The following CHSY3 variants were observed in gnomAD, a reference collection of about 807,000 sequenced individuals.
CHSY3 encodes the protein N-acetylgalactosaminyl-proteoglycan 3-beta-glucuronosyltransferase 3.
Under a neutral mutation model 67.2 loss-of-function variants are expected in CHSY3, and 35 were observed. That is an observed-to-expected ratio of 0.52 (90% CI 0.40 to 0.69). The LOEUF is 0.69. Among genes scored for constraint, CHSY3 ranks in the 30% least tolerant of loss-of-function variants. The pLI is 0.00. For synonymous variants in CHSY3, 474 were observed against 434.7 expected (o/e 1.09, Z -1.12); for missense variants, 1,069 against 1,138.5 (o/e 0.94, Z 0.88).
At chr5:129,921,725 T>A (rs1389116603) in intron 2 of CHSY3, among the ~76,000 whole-genome samples, 1 of 152,222 alleles carries the variant, frequency 6.6e-6, no homozygotes, top group African/African-American at 2.4e-5. Flanking sequence ...GTATGGTATG[T>A]GTTGTATATA....
intron 2 of CHSY3, among the ~76,000 whole-genome samples, chr5:130,148,817 A>C (rs1769150209): frequency 6.6e-6 from 1 of 151,832 alleles, no homozygotes; most frequent in Admixed American, 6.6e-5. Context: ...CAGATGCATA[A>C]ATTGAAATTA....
chr5:129,990,605 G>T (rs1763334450), intron 2 of CHSY3, among the ~76,000 whole-genome samples: 1 of 152,124 alleles, frequency 6.6e-6, no homozygotes, highest in East Asian at 1.9e-4. Flanking sequence ...ATTAATGCTA[G>T]AAATATTATT....
chr5:129,993,830 T>C (rs1180141254), intron 2 of CHSY3, among the ~76,000 whole-genome samples: 7 of 151,256 alleles, frequency 4.6e-5, no homozygotes. Context: ...ATTTGGCATG[T>C]TTTTGCAGTG....
chr5:129,973,287 A>T (rs1226561317), intron 2 of CHSY3, among the ~76,000 whole-genome samples: 1 of 152,052 alleles, frequency 6.6e-6, no homozygotes. Flanking sequence ...ATTTAATTAC[A>T]CTTTTTATGA....
chr5:130,020,440 T>A (rs1246197143), intron 2 of CHSY3, among the ~76,000 whole-genome samples: 5 of 18,180 alleles, frequency 2.8e-4, no homozygotes, highest in African/African-American at 6.4e-4. Flanking sequence ...TATATATATA[T>A]ATATATATAT....
At chr5:130,125,128 T>G (rs1050691975) in intron 2 of CHSY3, among the ~76,000 whole-genome samples, 2 of 152,082 alleles carry the variant, frequency 1.3e-5, no homozygotes, top group South Asian at 4.2e-4. Flanking sequence ...GCAAGTTGAA[T>G]CTCACAGGAC....
intron 2 of CHSY3, among the ~76,000 whole-genome samples, chr5:130,134,165 T>C (rs906116209): frequency 6.6e-6 from 1 of 152,216 alleles, no homozygotes; most frequent in African/African-American, 2.4e-5. Flanking sequence ...AGATTTGGAT[T>C]CAAACCCAGG....
At chr5:129,953,705 T>A (rs940535919) in intron 2 of CHSY3, among the ~76,000 whole-genome samples, 6 of 152,228 alleles carry the variant, frequency 3.9e-5, no homozygotes, top group African/African-American at 1.4e-4. Context: ...CATTGTGGTT[T>A]TGATTTGCAT....
chr5:130,059,388 CCT>C (rs368706513), intron 2 of CHSY3, among the ~76,000 whole-genome samples: 123 of 143,150 alleles, frequency 8.6e-4, no homozygotes, highest in Non-Finnish European at 8.0e-4. Flanking sequence ...TCTCTCTCTA[CCT>C]CTCTCTCTCT....
intron 2 of CHSY3, among the ~76,000 whole-genome samples, chr5:129,998,447 A>G (rs560087057): frequency 6.6e-6 from 1 of 152,214 alleles, no homozygotes; most frequent in Admixed American, 6.5e-5. Context: ...TACAATAATT[A>G]TTATGGTAAA....
intron 2 of CHSY3, among the ~76,000 whole-genome samples, chr5:130,181,095 G>A (rs778810636): frequency 5.9e-5 from 9 of 151,986 alleles, no homozygotes; most frequent in Non-Finnish European, 8.8e-5. Context: ...TGTGTGATAC[G>A]CTTAAAGCAC....
chr5:130,140,415 A>G (rs1437034249), intron 2 of CHSY3: 1 of 804,132 alleles, frequency 1.2e-6, no homozygotes, highest in African/African-American at 1.8e-5. Context: ...AGGAAATTGC[A>G]GAAACCTACC....
chr5:130,071,537 TTG>T (rs3065054), intron 2 of CHSY3, among the ~76,000 whole-genome samples: 16,458 of 141,722 alleles, frequency 0.12, 929 homozygotes, highest in Non-Finnish European at 0.13. Context: ...TAGTAGTTCA[TTG>T]TGTGTGTGTG....
At chr5:130,044,837 C>T (rs1242642655) in intron 2 of CHSY3, among the ~76,000 whole-genome samples, 1 of 151,938 alleles carries the variant, frequency 6.6e-6, no homozygotes, top group African/African-American at 2.4e-5. Flanking sequence ...GGGTCATTCC[C>T]CGGATGCTGA....
At chr5:130,098,298 G>T (rs1260163562) in intron 2 of CHSY3, among the ~76,000 whole-genome samples, 5 of 152,070 alleles carry the variant, frequency 3.3e-5, no homozygotes, top group Non-Finnish European at 2.9e-5. Flanking sequence ...TGATTTGTCT[G>T]CTTATCAGAG....
intron 2 of CHSY3, among the ~76,000 whole-genome samples, chr5:129,967,944 G>T (rs1239480802): frequency 1.3e-5 from 2 of 151,690 alleles, no homozygotes; most frequent in African/African-American, 4.8e-5. Context: ...GGCAATAAGA[G>T]AGTATACATA....
At chr5:130,160,294 G>A (rs181464526) in intron 2 of CHSY3, among the ~76,000 whole-genome samples, 2,047 of 152,174 alleles carry the variant, frequency 0.013, 32 homozygotes, top group Non-Finnish European at 0.02. Flanking sequence ...TCATAACATA[G>A]GAAGCTTCTC....
At chr5:130,073,267 A>G (rs759345265) in intron 2 of CHSY3, among the ~76,000 whole-genome samples, 7 of 151,952 alleles carry the variant, frequency 4.6e-5, no homozygotes, top group Non-Finnish European at 1.0e-4. Flanking sequence ...ATAAATATAC[A>G]CATTTTTGTT....
chr5:129,939,817 A>T (rs2149593854), intron 2 of CHSY3, among the ~76,000 whole-genome samples: 1 of 152,338 alleles, frequency 6.6e-6, no homozygotes, highest in African/African-American at 2.4e-5. Context: ...AGTGCTGCTT[A>T]AAGTTTAGAT....
Sources: allele counts gnomAD v4.1 joint callset (sites outside exome capture counted in the v4.1 genomes callset), GRCh38; gene constraint gnomAD v4.1.1; transcripts MANE v1.5; gene names NCBI Gene and HGNC (gene_info 2026-07-23, HGNC 2026-07-21).